ARHGAP44: variants seen among roughly 807,000 people sequenced by gnomAD.
ARHGAP44 encodes Rho GTPase activating protein 44.
Under a neutral mutation model 106.8 loss-of-function variants are expected in ARHGAP44, and 43 were observed. The observed-to-expected ratio is 0.40, with a 90% CI of 0.32 to 0.52. The LOEUF (loss-of-function observed/expected upper bound fraction) is 0.52. Ranked by LOEUF, ARHGAP44 falls within the 20% of genes least tolerant of loss-of-function variation. ARHGAP44 has a pLI of 0.48. For missense variants in ARHGAP44, 866 were observed against 1,050.5 expected (o/e 0.82, Z 2.43); for synonymous variants, 439 against 410.3 (o/e 1.07, Z -0.85).
chr17:12,918,669 G>A (rs2037986201), intron 5 of ARHGAP44, among the ~76,000 whole-genome samples: 2 of 151,940 alleles, frequency 1.3e-5, no homozygotes, highest in Admixed American at 1.3e-4. Context: ...TATAGAATCT[G>A]TATCCTAGAT....
intron 4 of ARHGAP44, among the ~76,000 whole-genome samples, chr17:12,915,696 G>A (rs1014983925): frequency 6.6e-6 from 1 of 152,164 alleles, no homozygotes; most frequent in Non-Finnish European, 1.5e-5. Flanking sequence ...GGCACACAAT[G>A]AGTGGCACCT....
chr17:12,832,583 G>A (rs1323878966), intron 1 of ARHGAP44, among the ~76,000 whole-genome samples: 1 of 152,078 alleles, frequency 6.6e-6, no homozygotes, highest in Non-Finnish European at 1.5e-5. Flanking sequence ...TTTAGGAAAG[G>A]GCTGTTCTCA....
At position 12,974,222 on chromosome 17, in the gene ARHGAP44, C is replaced by G. The variant is rs1323286775; in HGVS notation, c.1675C>G (p.Pro559Ala). The G allele has an allele frequency of 1.3e-6, 2 of 1,546,398 alleles. No individual in the cohort carries two copies. Among genetic ancestry groups the G allele is most frequent in the Admixed American group, 2.0e-5 (1 of 50,862 alleles). The change falls in exon 18 of 21, where the codon CCG (proline) becomes GCG (alanine). Residue 559 changes from proline (P) to alanine (A), a missense_variant. Pro to Ala is a conservative substitution (Grantham distance 27, BLOSUM62 -1). Transcript: ENST00000379672. ...PAELAAPLPS[P>A]LPEQPLDSPA... ...CGAGCTGGCTGCGCCCCTGCCTTCG[C>G]CGCTGCCGGAGCAGCCCCTGGACAG...
At chr17:12,840,132 A>AT (rs918811932) in intron 1 of ARHGAP44, among the ~76,000 whole-genome samples, 48 of 151,670 alleles carry the variant, frequency 3.2e-4, no homozygotes, top group African/African-American at 5.3e-4. Flanking sequence ...TTCAGCAGAG[A>AT]TTTTTTTTTG....
At chr17:12,886,681 T>C (rs568319566) in intron 1 of ARHGAP44, among the ~76,000 whole-genome samples, 1 of 152,266 alleles carries the variant, frequency 6.6e-6, no homozygotes, top group African/African-American at 2.4e-5. Flanking sequence ...GTTCTACGAA[T>C]TTTTTTATAG....
rs966713821 is a variant in ARHGAP44, at chr17:12,987,213, C to G, written c.2317+2305C>G. ...AGCTAGCCAGGCCAGCTGCCCGCTC[C>G]TCCCCTCCGCTCCTCGTCTCTGCAT... is the stretch of plus-strand genomic sequence containing the variant. On this transcript the variant is annotated intron_variant, in intron 20 of 20. Coordinates refer to ENST00000379672, the MANE Select transcript of ARHGAP44 (RefSeq NM_014859.6). 25 of 1,401,768 alleles carry G rather than the reference C, an allele frequency of 1.8e-5. No individual in the cohort carries two copies. In the African/African-American group the frequency reaches 3.6e-4, roughly 20 times the overall value. The allele number at this position is 1,401,768 out of a possible 1,614,324, so 86.8% of individuals were successfully genotyped here. A position where few individuals can be genotyped will look rare whatever the true frequency, so the allele number is the denominator to read the frequency against.
Position 12,978,036 on chromosome 17 carries a change from C to CAAAAAAAAAAAAAAAAAA in ARHGAP44, c.1764-2019_1764-2002dup, listed in dbSNP as rs1157325814. On this transcript the variant is annotated intron_variant, in intron 18 of 20. Coordinates refer to ENST00000379672, the MANE Select transcript of ARHGAP44 (RefSeq NM_014859.6). ...TGGGCAACAGAGCAAGACTCCATCT[C>CAAAAAAAAAAAAAAAAAA]AAAAAAAAAAAAAAAAAAAAGTGTG... Among the ~76,000 whole-genome samples, 21 of 89,290 alleles carry CAAAAAAAAAAAAAAAAAA rather than the reference C, an allele frequency of 2.4e-4. 1 individual carries two copies. Among genetic ancestry groups the CAAAAAAAAAAAAAAAAAA allele is most frequent in the African/African-American group, 1.0e-3 (21 of 21,016 alleles). The allele number at this position is 89,290 out of a possible 152,430, so 58.6% of individuals were successfully genotyped here. A position where few individuals can be genotyped will look rare whatever the true frequency, so the allele number is the denominator to read the frequency against.
chr17:12,955,641 A>G, intron 13 of ARHGAP44: 1 of 457,744 alleles, frequency 2.2e-6, no homozygotes, highest in South Asian at 2.5e-5. Context: ...GTGTTAGTTG[A>G]AGCAGATGTC....
At position 12,990,413 on chromosome 17, in the gene ARHGAP44, A is replaced by T; in HGVS notation, c.*242A>T. 2.1e-6 allele frequency: 1 copy of T among 471,530 alleles called. No individual in the cohort carries two copies. The highest frequency in any genetic ancestry group is 3.9e-6 in the Non-Finnish European group (1 of 259,576). The allele number at this position is 471,530 out of a possible 1,614,324, so 29.2% of individuals were successfully genotyped here. A position where few individuals can be genotyped will look rare whatever the true frequency, so the allele number is the denominator to read the frequency against. ...CCTTTTGTTTGACCTTTGCCTTTTG[A>T]CTTTGTGCCTCTTTTGATCCACTTT... On this transcript the variant is annotated 3_prime_UTR_variant, in exon 21 of 21. Transcript: ENST00000379672.
chr17:12,989,101 C>CCCAAAAAAAAAAAAAA (rs1598173210), intron 20 of ARHGAP44, among the ~76,000 whole-genome samples: 2 of 45,164 alleles, frequency 4.4e-5, no homozygotes, highest in Non-Finnish European at 7.9e-5. Flanking sequence ...CCACCCCCCC[C>CCCAAAAAAAAAAAAAA]AAAAAAAAAA....
intron 17 of ARHGAP44, 98 bp downstream of exon 17, chr17:12,973,417 G>C (rs1458709776): frequency 1.5e-6 from 2 of 1,320,334 alleles, no homozygotes; most frequent in Non-Finnish European, 2.1e-6. Flanking sequence ...AATGCGCCGC[G>C]TCTGGTTGCT....
intron 1 of ARHGAP44, chr17:12,790,170 G>T (rs1281187820): frequency 7.0e-6 from 3 of 431,286 alleles, no homozygotes; most frequent in African/African-American, 6.3e-5. Flanking sequence ...CCTTCGCTTC[G>T]TCCTCCCTGC....
intron 19 of ARHGAP44, chr17:12,982,571 A>G (rs987720566): frequency 6.6e-6 from 1 of 152,182 alleles, no homozygotes; most frequent in African/African-American, 2.4e-5. Context: ...AGCTGCTGGA[A>G]GCACTTCCCC....
chr17:12,861,561 G>C (rs897754017), intron 1 of ARHGAP44, among the ~76,000 whole-genome samples: 13 of 151,758 alleles, frequency 8.6e-5, no homozygotes, highest in Non-Finnish European at 1.5e-5. Context: ...AGTAGCACTG[G>C]GTTGTGCTGT....
intron 16 of ARHGAP44, among the ~76,000 whole-genome samples, chr17:12,968,185 G>T (rs1460171152): frequency 6.6e-6 from 1 of 152,156 alleles, no homozygotes; most frequent in Non-Finnish European, 1.5e-5. Flanking sequence ...CACTGATGAG[G>T]CGTCCCGATC....
At chr17:12,915,832 G>T in intron 4 of ARHGAP44, 68 bp from the exon 5 acceptor site, 1 of 1,364,880 alleles carries the variant, frequency 7.3e-7, no homozygotes, top group South Asian at 1.3e-5. Context: ...AGGAGGTGAG[G>T]GGAGGGTAAC....
Position 12,955,864 on chromosome 17 carries a change from T to C in ARHGAP44, c.1137-3T>C, listed in dbSNP as rs762391129. 7 of 1,604,578 alleles carry C rather than the reference T, an allele frequency of 4.4e-6. No individual in the cohort carries two copies. In the African/African-American group the frequency reaches 8.0e-5, roughly 18 times the overall value. On this transcript the variant is annotated splice_region_variant and splice_polypyrimidine_tract_variant and intron_variant, in intron 13 of 20. Coordinates refer to ENST00000379672, the MANE Select transcript of ARHGAP44 (RefSeq NM_014859.6). ...AAACCTGGCCCTTCTAATTTTCTTT[T>C]AGATACTTGATAAAATTTTTATCCA...
At position 12,990,259 on chromosome 17, in the gene ARHGAP44, G is replaced by A; in HGVS notation, c.*88G>A. Reference sequence around the variant, plus strand: ...AGCAGCGTCCATGAGCTTGCCAAGTGTTCTCTGCTGGCTCTTTCCTGCCAC... The same window carrying A: ...AGCAGCGTCCATGAGCTTGCCAAGTATTCTCTGCTGGCTCTTTCCTGCCAC... On this transcript the variant is annotated 3_prime_UTR_variant, in exon 21 of 21. Coordinates refer to ENST00000379672, the MANE Select transcript of ARHGAP44 (RefSeq NM_014859.6). 1.3e-6 allele frequency: 2 copies of A among 1,487,066 alleles called. No individual in the cohort carries two copies. The highest frequency in any genetic ancestry group is 1.8e-6 in the Non-Finnish European group (2 of 1,105,252). 92.1% of individuals were successfully genotyped at this position (1,487,066 alleles called of 1,614,324 possible).
intron 18 of ARHGAP44, among the ~76,000 whole-genome samples, chr17:12,975,461 A>C (rs764598102): frequency 3.0e-4 from 46 of 152,116 alleles, no homozygotes; most frequent in Non-Finnish European, 1.3e-4. Flanking sequence ...AATTCATTCC[A>C]TGGGTAGCTT....
Sources: allele counts gnomAD v4.1 joint callset (sites outside exome capture counted in the v4.1 genomes callset), GRCh38; gene constraint gnomAD v4.1.1; transcripts MANE v1.5; gene names NCBI Gene and HGNC (gene_info 2026-07-23, HGNC 2026-07-21).